Variants in APCDD1L observed in about 807,000 individuals in gnomAD.
The protein encoded by APCDD1L is protein APCDD1-like.
In APCDD1L, 21 loss-of-function variants were observed where a neutral mutation model predicts 24.2. The observed-to-expected ratio is 0.87, with a 90% CI of 0.61 to 1.25. The LOEUF is 1.25. APCDD1L is among the 50% of genes most tolerant of loss of function. The pLI is 0.00. For missense variants in APCDD1L, 704 were observed against 711.7 expected (o/e 0.99, Z 0.12); for synonymous variants, 321 against 323.6 (o/e 0.99, Z 0.09).
chr20:58,462,487 G>A (rs1369064809), intron 3 of APCDD1L, among the ~76,000 whole-genome samples: 1 of 152,148 alleles, frequency 6.6e-6, no homozygotes, highest in South Asian at 2.1e-4. Flanking sequence ...AGTGGAAGGT[G>A]CGCATCATTT....
At chr20:58,468,508 A>G (rs758297242) in intron 2 of APCDD1L, among the ~76,000 whole-genome samples, 10 of 152,070 alleles carry the variant, frequency 6.6e-5, no homozygotes, top group Non-Finnish European at 1.3e-4. Context: ...AGTCGGGGGA[A>G]AAATAGCAGG....
At chr20:58,476,859 T>G (rs1475372382) in intron 1 of APCDD1L, among the ~76,000 whole-genome samples, 1 of 152,244 alleles carries the variant, frequency 6.6e-6, no homozygotes, top group African/African-American at 2.4e-5. Flanking sequence ...TTGCCTGTGC[T>G]GTTCCATCCT....
chr20:58,505,450 C>A (rs1990514197), intron 1 of APCDD1L, among the ~76,000 whole-genome samples: 1 of 152,132 alleles, frequency 6.6e-6, no homozygotes, highest in Non-Finnish European at 1.5e-5. Flanking sequence ...TTTATGTATG[C>A]ATAATTCCTT....
At chr20:58,493,135 A>G (rs1025256223) in intron 1 of APCDD1L, among the ~76,000 whole-genome samples, 13 of 152,254 alleles carry the variant, frequency 8.5e-5, no homozygotes, top group Non-Finnish European at 1.8e-4. Flanking sequence ...ATACAGATGC[A>G]CTCACACACA....
Position 58,508,660 on chromosome 20 carries a change from G to A in APCDD1L, c.49+5999C>T, listed in dbSNP as rs994897669. Among the ~76,000 whole-genome samples the A allele has an allele frequency of 1.1e-4, 17 of 152,144 alleles. No individual in the cohort carries two copies. Among genetic ancestry groups the A allele is most frequent in the Non-Finnish European group, 7.3e-5 (5 of 68,038 alleles). The stretch of plus-strand genomic sequence containing the variant: ...CAGTGCAGCTGTGACTGGGGTTCCC[G>A]TCTGCCACTGCTTACACTATGTTGG... On this transcript the variant is annotated intron_variant, in intron 1 of 3. Coordinates refer to ENST00000371149, the MANE Select transcript of APCDD1L (RefSeq NM_153360.3). This position sits in a 1 kb window ranked among gnomAD's most constrained non-coding sequence, Gnocchi z 4.0.
intron 1 of APCDD1L, among the ~76,000 whole-genome samples, chr20:58,514,293 C>A (rs969295101): frequency 1.3e-5 from 2 of 152,202 alleles, no homozygotes; most frequent in Admixed American, 1.3e-4. Context: ...CCGGGCTTGT[C>A]CCGCACCATG....
intron 3 of APCDD1L, among the ~76,000 whole-genome samples, chr20:58,462,654 G>T (rs1989630302): frequency 6.6e-6 from 1 of 152,058 alleles, no homozygotes; most frequent in Non-Finnish European, 1.5e-5. Flanking sequence ...GACCAGCCTG[G>T]CCAACACGGT....
chr20:58,506,940 G>T (rs1237090055), intron 1 of APCDD1L, among the ~76,000 whole-genome samples: 1 of 152,178 alleles, frequency 6.6e-6, no homozygotes, highest in East Asian at 1.9e-4. Context: ...GAAGCTTGGT[G>T]GTCCACAAAT....
At chr20:58,486,000 A>G (rs1990111909) in intron 1 of APCDD1L, among the ~76,000 whole-genome samples, 1 of 152,188 alleles carries the variant, frequency 6.6e-6, no homozygotes, top group African/African-American at 2.4e-5. Flanking sequence ...AATAATCCCT[A>G]GAAGAAAGCA....
At chr20:58,475,912 C>T (rs1195922972) in intron 1 of APCDD1L, among the ~76,000 whole-genome samples, 2 of 152,146 alleles carry the variant, frequency 1.3e-5, no homozygotes, top group Non-Finnish European at 2.9e-5. Flanking sequence ...CCAAATCTCC[C>T]TCTCCTTTCT....
Position 58,467,077 on chromosome 20 carries a change from C to T in APCDD1L, c.741+29G>A, listed in dbSNP as rs571319620. On this transcript the variant is annotated intron_variant, in intron 3 of 3. Coordinates refer to ENST00000371149, the MANE Select transcript of APCDD1L (RefSeq NM_153360.3). This position sits in a 1 kb window ranked among gnomAD's most constrained non-coding sequence, Gnocchi z 5.9. ...TCGCCTCCCCGAGACCACCACCCCC[C>T]TCTCCCACACCCCAACACACACACT... 1.7e-4 allele frequency: 259 copies of T among 1,563,978 alleles called. No individual in the cohort carries two copies. Among genetic ancestry groups the T allele is most frequent in the Non-Finnish European group, 2.0e-4 (233 of 1,157,846 alleles).
At position 58,461,324 on chromosome 20, in the gene APCDD1L, C is replaced by A; in HGVS notation, c.972G>T (p.Arg324=). 6.2e-7 allele frequency: 1 copy of A among 1,603,036 alleles called. No homozygotes were observed. The highest frequency in any genetic ancestry group is 8.5e-7 in the Non-Finnish European group (1 of 1,172,224). ...YYHHFSDPAC[R]QPTFTVYAAG... is the part of the protein sequence containing the mutation. The stretch of plus-strand genomic sequence containing the variant: ...CGGCATACACGGTGAAGGTGGGCTG[C>A]CGGCAGGCTGGGTCTGAGAAGTGGT... The change falls in exon 4 of 4, where the codon CGG becomes CGT. Residue 324 remains arginine, a synonymous_variant. Coordinates refer to ENST00000371149, the MANE Select transcript of APCDD1L (RefSeq NM_153360.3). This position sits in a 1 kb window ranked among gnomAD's most constrained non-coding sequence, Gnocchi z 6.0.
chr20:58,462,987 C>T (rs1989639801), intron 3 of APCDD1L, among the ~76,000 whole-genome samples: 1 of 151,392 alleles, frequency 6.6e-6, no homozygotes, highest in Non-Finnish European at 1.5e-5. Context: ...ACAAAAAATA[C>T]AAAAATTAGC....
Position 58,514,828 on chromosome 20 carries a change from T to A in APCDD1L, c.-121A>T. 2 of 737,234 alleles carry A rather than the reference T, an allele frequency of 2.7e-6. No homozygotes were observed. The highest frequency in any genetic ancestry group is 3.8e-6 in the Non-Finnish European group (2 of 528,210). The allele number at this position is 737,234 out of a possible 1,614,324, so 45.7% of individuals were successfully genotyped here. A position where few individuals can be genotyped will look rare whatever the true frequency, so the allele number is the denominator to read the frequency against. The stretch of plus-strand genomic sequence containing the variant: ...GCCAGGCTGGAGTCCTGCGAAGAAG[T>A]TGCGAGGGTCCTGCGCCCCCCTCGG... On this transcript the variant is annotated 5_prime_UTR_variant, in exon 1 of 4. Coordinates refer to ENST00000371149, the MANE Select transcript of APCDD1L (RefSeq NM_153360.3).
chr20:58,496,536 C>T (rs769373701), intron 1 of APCDD1L, among the ~76,000 whole-genome samples: 8 of 152,234 alleles, frequency 5.3e-5, no homozygotes, highest in East Asian at 1.9e-4. Flanking sequence ...ACCTGGGAAG[C>T]GACAGGGGAG....
intron 1 of APCDD1L, among the ~76,000 whole-genome samples, chr20:58,501,675 T>A (rs1394975452): frequency 6.6e-6 from 1 of 152,164 alleles, no homozygotes; most frequent in African/African-American, 2.4e-5. Flanking sequence ...CAGTTCCACC[T>A]CCACACGCAC....
At chr20:58,489,511 G>T (rs1990183337) in intron 1 of APCDD1L, among the ~76,000 whole-genome samples, 1 of 152,032 alleles carries the variant, frequency 6.6e-6, no homozygotes, top group South Asian at 2.1e-4. Context: ...GTGAAACCCT[G>T]TCTCTACTAA....
At chr20:58,482,982 T>G (rs193086488) in intron 1 of APCDD1L, among the ~76,000 whole-genome samples, 14 of 152,236 alleles carry the variant, frequency 9.2e-5, no homozygotes, top group African/African-American at 2.9e-4. Context: ...GGTCTGACAT[T>G]CCAAGCCAAT....
chr20:58,481,662 C>A (rs1990027668), intron 1 of APCDD1L, among the ~76,000 whole-genome samples: 1 of 152,178 alleles, frequency 6.6e-6, no homozygotes, highest in Non-Finnish European at 1.5e-5. Flanking sequence ...TTCTTGGGAG[C>A]TTCCACAAGG....
Sources: gnomAD v4.1 joint callset for allele counts (sites outside exome capture counted in the v4.1 genomes callset) on GRCh38, gnomAD v4.1.1 for gene constraint, Gnocchi (gnomAD v3.1) non-coding constraint, MANE v1.5 for transcripts, NCBI Gene and HGNC (gene_info 2026-07-23, HGNC 2026-07-21) for gene names.